Variants in DOK6 observed in about 807,000 individuals in gnomAD.
DOK6 encodes the protein downstream of tyrosine kinase 6.
In DOK6, 22 loss-of-function variants were observed where a neutral mutation model predicts 44.0. The ratio of observed to expected loss-of-function variants is 0.50; its 90% CI spans 0.36 to 0.71. The LOEUF (loss-of-function observed/expected upper bound fraction) is 0.71. DOK6 is among the 30% of genes least tolerant of loss of function. The pLI is 0.00. For synonymous variants in DOK6, 166 were observed against 145.5 expected, an observed-to-expected ratio of 1.14 and a Z score of -1.01; for missense variants, 340 against 416.4, an observed-to-expected ratio of 0.82 and a Z score of 1.60.
At chr18:69,732,758 C>G (rs1360228699) in intron 5 of DOK6, among the ~76,000 whole-genome samples, 1 of 152,118 alleles carries the variant, frequency 6.6e-6, no homozygotes, top group Non-Finnish European at 1.5e-5. Context: ...TATGTTCACT[C>G]TTTCATTTAA....
At chr18:69,751,791 G>C (rs1340133354) in intron 6 of DOK6, among the ~76,000 whole-genome samples, 1 of 152,054 alleles carries the variant, frequency 6.6e-6, no homozygotes, top group Non-Finnish European at 1.5e-5. Flanking sequence ...AATTACTTGA[G>C]GCCAGGGTTC....
At position 69,798,883 on chromosome 18, in the gene DOK6, C is replaced by T. The variant is rs77076348; in HGVS notation, c.856+41010C>T. Reference sequence around the variant, plus strand: ...CTGTTATCCTTCATAGCAGAGAGGACGGTTTTGAGATGAGACCAACTTCAT... The same window carrying T: ...CTGTTATCCTTCATAGCAGAGAGGATGGTTTTGAGATGAGACCAACTTCAT... On this transcript the variant is annotated intron_variant, in intron 7 of 7. Transcript: ENST00000382713. Among the ~76,000 whole-genome samples the T allele has an allele frequency of 6.1e-4, 92 of 152,062 alleles. 1 individual carries two copies. In the East Asian group the frequency reaches 0.016, roughly 27 times the overall value.
rs192743289 is a variant in DOK6, at chr18:69,574,015, A to G, written c.174+9421A>G. On this transcript the variant is annotated intron_variant, in intron 2 of 7. Transcript: ENST00000382713. ...GTAACATACGGGCACATCCATCTCTAGAAGTTGTTGCCTCTGTGCTACCAA... is the reference window on the plus strand; with the variant it reads ...GTAACATACGGGCACATCCATCTCTGGAAGTTGTTGCCTCTGTGCTACCAA... 1.9e-3 allele frequency among the ~76,000 whole-genome samples: 293 copies of G among 152,118 alleles called. 1 individual carries two copies. Among genetic ancestry groups the G allele is most frequent in the Non-Finnish European group, 2.8e-3 (192 of 67,908 alleles).
chr18:69,785,892 CTT>C (rs766817901), intron 7 of DOK6, among the ~76,000 whole-genome samples: 1 of 152,116 alleles, frequency 6.6e-6, no homozygotes, highest in Non-Finnish European at 1.5e-5. Flanking sequence ...TTCTAGCTCT[CTT>C]TGTTAGAAAG....
intron 1 of DOK6, among the ~76,000 whole-genome samples, chr18:69,423,333 G>T (rs1407027743): frequency 1.3e-5 from 2 of 151,830 alleles, no homozygotes; most frequent in Non-Finnish European, 2.9e-5. Flanking sequence ...AACAAAAAAT[G>T]TTGGGAATTG....
chr18:69,793,637 C>G (rs560450837), intron 7 of DOK6, among the ~76,000 whole-genome samples: 1 of 152,190 alleles, frequency 6.6e-6, no homozygotes, highest in East Asian at 1.9e-4. Flanking sequence ...TAAAAATTTT[C>G]TTACTTTTAG....
chr18:69,566,801 T>A (rs187591219), intron 2 of DOK6, among the ~76,000 whole-genome samples: 1 of 152,344 alleles, frequency 6.6e-6, no homozygotes, highest in Non-Finnish European at 1.5e-5. Context: ...AGGTAAAACT[T>A]CTCTGCAAAG....
chr18:69,745,742 G>A (rs1398574026), intron 6 of DOK6, among the ~76,000 whole-genome samples: 2 of 152,290 alleles, frequency 1.3e-5, no homozygotes, highest in Admixed American at 6.5e-5. Flanking sequence ...GAAGCACAAT[G>A]ATATCATAAT....
intron 1 of DOK6, among the ~76,000 whole-genome samples, chr18:69,528,929 A>G (rs77380346): frequency 8.1e-4 from 124 of 152,310 alleles, no homozygotes; most frequent in African/African-American, 2.9e-3. Context: ...TGGCTCTTCC[A>G]GTGTAAAAGG....
intron 1 of DOK6, among the ~76,000 whole-genome samples, chr18:69,419,196 T>G (rs79030607): frequency 0.033 from 5,015 of 152,194 alleles, 134 homozygotes; most frequent in Admixed American, 0.088. Flanking sequence ...GAAGATAAAG[T>G]TCAATGCCTT....
chr18:69,514,490 G>A (rs1184793069), intron 1 of DOK6, among the ~76,000 whole-genome samples: 1 of 152,054 alleles, frequency 6.6e-6, no homozygotes, highest in Non-Finnish European at 1.5e-5. Flanking sequence ...CTAGTTGAAT[G>A]AATCCTGAGC....
chr18:69,686,130 TA>T (rs933014043), intron 4 of DOK6, among the ~76,000 whole-genome samples: 39 of 151,882 alleles, frequency 2.6e-4, no homozygotes, highest in African/African-American at 8.0e-4. Flanking sequence ...CATATAAAGA[TA>T]TAGGAAGAAA....
rs114311405 is a variant in DOK6 at position 69,570,618 on chromosome 18, A to G, written c.174+6024A>G. Among the ~76,000 whole-genome samples, 620 of 152,290 alleles carry G rather than the reference A, an allele frequency of 4.1e-3. 6 individuals are homozygous for G. The highest frequency in any genetic ancestry group is 0.014 in the African/African-American group (597 of 41,578). ...TGAATTTGAAGCAGGATGTTTGGAA[A>G]AAGAATCATGCCTACCAGGTCTTTC... On this transcript the variant is annotated intron_variant, in intron 2 of 7. Transcript: ENST00000382713.
chr18:69,402,252 C>T (rs1390382410), intron 1 of DOK6, among the ~76,000 whole-genome samples: 1 of 152,080 alleles, frequency 6.6e-6, no homozygotes, highest in Non-Finnish European at 1.5e-5. Flanking sequence ...GGCCCCTGTT[C>T]CAGACTCTGG....
At chr18:69,652,601 A>G (rs545022633) in intron 3 of DOK6, among the ~76,000 whole-genome samples, 1 of 152,326 alleles carries the variant, frequency 6.6e-6, no homozygotes, top group Non-Finnish European at 1.5e-5. Context: ...AGCTGCTTTT[A>G]AGCTGATTTT....
chr18:69,575,264 A>T lies in DOK6; in HGVS notation c.174+10670A>T, dbSNP rs571869018. 4.4e-4 allele frequency among the ~76,000 whole-genome samples: 67 copies of T among 152,232 alleles called. 1 individual carries two copies. Among genetic ancestry groups the T allele is most frequent in the Non-Finnish European group, 3.1e-4 (21 of 67,960 alleles). ...CATATGAGGAGCAGTTTTCACTGGT[A>T]AAGAAAAATGTCATCCTTGGCATGG... On this transcript the variant is annotated intron_variant, in intron 2 of 7. Coordinates refer to ENST00000382713, the MANE Select transcript of DOK6 (RefSeq NM_152721.6).
intron 3 of DOK6, among the ~76,000 whole-genome samples, chr18:69,634,839 A>G (rs757981929): frequency 6.6e-6 from 1 of 152,168 alleles, no homozygotes; most frequent in Non-Finnish European, 1.5e-5. Context: ...CCTTTACCAT[A>G]TTACTGGTAA....
chr18:69,657,515 T>A (rs1228565184), intron 3 of DOK6, among the ~76,000 whole-genome samples: 1 of 152,218 alleles, frequency 6.6e-6, no homozygotes, highest in Non-Finnish European at 1.5e-5. Flanking sequence ...TGCAGGGCTA[T>A]TTCTTACTAC....
At chr18:69,630,845 G>C (rs577850170) in intron 3 of DOK6, among the ~76,000 whole-genome samples, 10 of 152,026 alleles carry the variant, frequency 6.6e-5, no homozygotes, top group Admixed American at 3.9e-4. Context: ...AACATTTTTT[G>C]TCTTACTCAG....
Sources: allele counts gnomAD v4.1 joint callset (sites outside exome capture counted in the v4.1 genomes callset), GRCh38; gene constraint gnomAD v4.1.1; transcripts MANE v1.5; gene names NCBI Gene and HGNC (gene_info 2026-07-23, HGNC 2026-07-21).